UBE2K: variants seen among roughly 807,000 people sequenced by gnomAD.
The protein encoded by UBE2K is ubiquitin conjugating enzyme E2 K.
Under a neutral mutation model 30.0 loss-of-function variants are expected in UBE2K, and 6 were observed. The observed-to-expected ratio is 0.20, with a 90% CI of 0.11 to 0.39. The LOEUF (loss-of-function observed/expected upper bound fraction) is 0.39. UBE2K is among the 10% of genes least tolerant of loss of function. UBE2K has a pLI of 1.00. For missense variants in UBE2K, 61 were observed against 241.6 expected (o/e 0.25, Z 4.96); for synonymous variants, 86 against 83.7 (o/e 1.03, Z -0.15).
At chr4:39,751,867 T>C (rs1279179107) in intron 3 of UBE2K, among the ~76,000 whole-genome samples, 1 of 151,910 alleles carries the variant, frequency 6.6e-6, no homozygotes, top group Non-Finnish European at 1.5e-5. Context: ...CTGGGGAGAC[T>C]GAGGCGGGAG....
At chr4:39,742,383 A>G (rs1720752239) in intron 2 of UBE2K, among the ~76,000 whole-genome samples, 1 of 150,494 alleles carries the variant, frequency 6.6e-6, no homozygotes, top group South Asian at 2.1e-4. Context: ...TTATTGTTAT[A>G]TGTTCTGTGA....
At chr4:39,749,555 T>G (rs1190727397) in intron 3 of UBE2K, among the ~76,000 whole-genome samples, 2 of 152,146 alleles carry the variant, frequency 1.3e-5, no homozygotes, top group African/African-American at 2.4e-5. Flanking sequence ...GGCATGCGCC[T>G]GTAGTCTCAG....
chr4:39,713,252 G>A (rs1397907303), intron 1 of UBE2K, among the ~76,000 whole-genome samples: 2 of 139,364 alleles, frequency 1.4e-5, no homozygotes, highest in African/African-American at 5.4e-5. Context: ...AAGAAAATTA[G>A]GTGGTTTGTA....
Position 39,778,475 on chromosome 4 carries a change from TGAG to T in UBE2K, c.*45_*47del. On this transcript the variant is annotated 3_prime_UTR_variant, in exon 7 of 7. Coordinates refer to ENST00000261427, the MANE Select transcript of UBE2K (RefSeq NM_005339.5). ...TGATATAGTCAAGCTTGCCTCTTCT[TGAG>T]GAGCACCAACATCTGTTATTTTTAG... 7.7e-7 allele frequency: 1 copy of T among 1,298,938 alleles called. No individual in the cohort carries two copies. Among genetic ancestry groups the T allele is most frequent in the African/African-American group, 1.5e-5 (1 of 68,262 alleles). The allele number at this position is 1,298,938 out of a possible 1,614,324, so 80.5% of individuals were successfully genotyped here. A position where few individuals can be genotyped will look rare whatever the true frequency, so the allele number is the denominator to read the frequency against.
At chr4:39,726,957 G>A (rs888531987) in intron 1 of UBE2K, among the ~76,000 whole-genome samples, 6 of 152,096 alleles carry the variant, frequency 3.9e-5, no homozygotes, top group Non-Finnish European at 7.4e-5. Context: ...CCAGAATTCT[G>A]TCATTGTACA....
intron 4 of UBE2K, among the ~76,000 whole-genome samples, chr4:39,758,039 A>G (rs973709012): frequency 3.3e-5 from 5 of 152,206 alleles, no homozygotes; most frequent in African/African-American, 9.7e-5. Context: ...CCTGCTTATC[A>G]TCTTTACTTG....
rs550855215 is a variant in UBE2K, at chr4:39,703,252, G to A, written c.63+4862G>A. 1.1e-4 allele frequency among the ~76,000 whole-genome samples: 17 copies of A among 152,180 alleles called. No homozygotes were observed. The South Asian group carries it at 2.9e-3, about 26-fold the overall frequency. On this transcript the variant is annotated intron_variant, in intron 1 of 6. Transcript: ENST00000261427. ...AGAGTGTTTATGGCCAGGTGGGGTG[G>A]CTTATGCCTGTAATCTAGCATTTTA...
rs35005914 is a variant in UBE2K at position 39,768,447 on chromosome 4, C to CAAA, written c.300-6371_300-6369dup. 6.4e-3 allele frequency among the ~76,000 whole-genome samples: 561 copies of CAAA among 88,112 alleles called. 6 individuals are homozygous for CAAA. The highest frequency in any genetic ancestry group is 0.019 in the African/African-American group (507 of 27,080). 57.8% of individuals were successfully genotyped at this position (88,112 alleles called of 152,430 possible). Reference sequence around the variant, plus strand: ...GGGGGACAGAGTGAGACTTCGTTTCCAAAAAAAAAAAAAAAAAATGTAAAA... The same window carrying CAAA: ...GGGGGACAGAGTGAGACTTCGTTTCCAAAAAAAAAAAAAAAAAAAAATGTAAAA... On this transcript the variant is annotated intron_variant, in intron 4 of 6. Transcript: ENST00000261427.
At chr4:39,718,950 A>G (rs1396455547) in intron 1 of UBE2K, among the ~76,000 whole-genome samples, 1 of 152,240 alleles carries the variant, frequency 6.6e-6, no homozygotes, top group African/African-American at 2.4e-5. Flanking sequence ...AGGGGCTCCC[A>G]CAGTGCAGCG....
intron 4 of UBE2K, among the ~76,000 whole-genome samples, chr4:39,774,299 C>T (rs950993834): frequency 6.6e-6 from 1 of 151,160 alleles, no homozygotes; most frequent in African/African-American, 2.4e-5. Flanking sequence ...GAGCAAGACA[C>T]TGTCATTAAA....
At chr4:39,770,359 A>ACT in intron 4 of UBE2K, 1 of 1,611,804 alleles carries the variant, frequency 6.2e-7, no homozygotes, top group Non-Finnish European at 8.5e-7. Context: ...CTGTGGTTGA[A>ACT]CTCCTTGCCA....
chr4:39,750,522 G>A (rs144300982), intron 3 of UBE2K, among the ~76,000 whole-genome samples: 73 of 152,160 alleles, frequency 4.8e-4, no homozygotes, highest in African/African-American at 1.7e-3. Flanking sequence ...CCCAGACAAC[G>A]CTACTACTAG....
intron 1 of UBE2K, among the ~76,000 whole-genome samples, chr4:39,720,571 C>T (rs1214237676): frequency 6.6e-6 from 1 of 152,050 alleles, no homozygotes; most frequent in Non-Finnish European, 1.5e-5. Flanking sequence ...GTAAGGGGAC[C>T]TATGGAAGTT....
chr4:39,707,579 G>A (rs942706209), intron 1 of UBE2K, among the ~76,000 whole-genome samples: 8 of 151,208 alleles, frequency 5.3e-5, no homozygotes, highest in African/African-American at 1.5e-4. Context: ...TGTCGCCCAG[G>A]GGCACAATCA....
chr4:39,754,504 G>T (rs1009541157), intron 3 of UBE2K, among the ~76,000 whole-genome samples: 6 of 152,142 alleles, frequency 3.9e-5, no homozygotes, highest in Non-Finnish European at 7.4e-5. Context: ...TAGCTTAGGA[G>T]CATATATTAA....
chr4:39,747,859 T>C (rs1410226986), intron 3 of UBE2K, among the ~76,000 whole-genome samples: 1 of 151,436 alleles, frequency 6.6e-6, no homozygotes, highest in Admixed American at 6.6e-5. Flanking sequence ...TGGAGTACAG[T>C]GGCGCGGTCT....
intron 4 of UBE2K, chr4:39,770,125 C>A: frequency 6.3e-7 from 1 of 1,591,298 alleles, no homozygotes; most frequent in Non-Finnish European, 8.5e-7. Context: ...GTCTCCAGCA[C>A]GTTCTCGGCG....
At chr4:39,770,066 T>C in intron 4 of UBE2K, 1 of 1,528,300 alleles carries the variant, frequency 6.5e-7, no homozygotes, top group Non-Finnish European at 8.8e-7. Context: ...CCTCCGGGCC[T>C]CCACGCCTGC....
intron 1 of UBE2K, among the ~76,000 whole-genome samples, chr4:39,719,626 C>CT (rs1719310792): frequency 6.6e-6 from 1 of 152,170 alleles, no homozygotes; most frequent in African/African-American, 2.4e-5. Context: ...TCTATGTACT[C>CT]TTTTCTCTCA....
Sources: gnomAD v4.1 joint callset for allele counts (sites outside exome capture counted in the v4.1 genomes callset) on GRCh38, gnomAD v4.1.1 for gene constraint, MANE v1.5 for transcripts, NCBI Gene and HGNC (gene_info 2026-07-23, HGNC 2026-07-21) for gene names.